The following SLC60A1 variants were observed in gnomAD, a reference collection of about 807,000 sequenced individuals.
SLC60A1 encodes major facilitator superfamily domain containing 4.
the SLC60A1 span, chr1:205,584,026 G>A: frequency 6.2e-7 from 1 of 1,614,018 alleles, no homozygotes; most frequent in Middle Eastern, 1.6e-4. Context: ...CCCAGAGGAG[G>A]CCCCTGCTTC....
chr1:205,582,381 C>T, the SLC60A1 span, among the ~76,000 whole-genome samples: 2 of 152,252 alleles, frequency 1.3e-5, no homozygotes, highest in Non-Finnish European at 2.9e-5. Context: ...GGAAGATGGG[C>T]TGTGCATGTA....
chr1:205,600,439 ACT>A, the SLC60A1 span: 1 of 1,614,116 alleles, frequency 6.2e-7, no homozygotes. Flanking sequence ...GGAATGGAAA[ACT>A]CTGAGTGCTA....
At chr1:205,569,285 C>A in the SLC60A1 span, 7 of 1,540,160 alleles carry the variant, frequency 4.5e-6, no homozygotes, top group African/African-American at 8.5e-5. Context: ...CCCTCGGGGG[C>A]GTCTTCAAAA....
the SLC60A1 span, among the ~76,000 whole-genome samples, chr1:205,590,889 C>G: frequency 6.6e-6 from 1 of 152,006 alleles, no homozygotes; most frequent in Non-Finnish European, 1.5e-5. Context: ...TTTACAGAGC[C>G]CCTTCATCTG....
the SLC60A1 span, among the ~76,000 whole-genome samples, chr1:205,593,416 A>AGCCGAAATCCCGACACT: frequency 1.3e-5 from 1 of 74,724 alleles, no homozygotes; most frequent in African/African-American, 5.4e-5. Context: ...GCTTGCAGTG[A>AGCCGAAATCCCGACACT]GCACTCCAGC....
the SLC60A1 span, among the ~76,000 whole-genome samples, chr1:205,592,646 C>A: frequency 6.6e-6 from 1 of 152,082 alleles, no homozygotes; most frequent in Non-Finnish European, 1.5e-5. Context: ...TGAACACCCC[C>A]CTCCTGACTT....
chr1:205,593,623 A>G, the SLC60A1 span, among the ~76,000 whole-genome samples: 1 of 152,146 alleles, frequency 6.6e-6, no homozygotes, highest in Non-Finnish European at 1.5e-5. Flanking sequence ...CATCACCATC[A>G]GTCGTTAGGA....
chr1:205,583,167 G>A, the SLC60A1 span, among the ~76,000 whole-genome samples: 4 of 152,336 alleles, frequency 2.6e-5, no homozygotes, highest in East Asian at 5.8e-4. Context: ...GGCCCCTGAG[G>A]GAGGTGGTGG....
chr1:205,575,467 C>A, the SLC60A1 span, among the ~76,000 whole-genome samples: 6 of 152,128 alleles, frequency 3.9e-5, no homozygotes, highest in Non-Finnish European at 8.8e-5. Context: ...GAATGGGCTG[C>A]CTGGCATCTT....
the SLC60A1 span, chr1:205,580,576 T>C: frequency 3.3e-6 from 5 of 1,521,266 alleles, no homozygotes; most frequent in Non-Finnish European, 4.5e-6. This position sits in a 1 kb window ranked among gnomAD's most constrained non-coding sequence, Gnocchi z 5.0. Flanking sequence ...TCAGTGTGGG[T>C]CCTCTGGACC....
At chr1:205,580,936 G>C in the SLC60A1 span, 1 of 1,610,606 alleles carries the variant, frequency 6.2e-7, no homozygotes, top group Non-Finnish European at 8.5e-7. This position sits in a 1 kb window ranked among gnomAD's most constrained non-coding sequence, Gnocchi z 5.0. Context: ...GTGTCCCTGG[G>C]GTGGGCCAGG....
chr1:205,580,651 C>T, the SLC60A1 span: 1 of 1,608,680 alleles, frequency 6.2e-7, no homozygotes, highest in East Asian at 2.2e-5. This position sits in a 1 kb window ranked among gnomAD's most constrained non-coding sequence, Gnocchi z 5.0. Context: ...CACCTCTCCT[C>T]TGTCCCCAGG....
chr1:205,600,083 C>G, the SLC60A1 span: 2,246 of 247,076 alleles, frequency 9.1e-3, 22 homozygotes, highest in Admixed American at 0.013. Flanking sequence ...ACTTCTGAGA[C>G]AGCAGTACTG....
chr1:205,589,828 T>C, the SLC60A1 span, among the ~76,000 whole-genome samples: 23 of 152,186 alleles, frequency 1.5e-4, no homozygotes, highest in African/African-American at 4.6e-4. Flanking sequence ...ACAGACTGTC[T>C]GTTATTGTAG....
At chr1:205,585,869 T>C in the SLC60A1 span, among the ~76,000 whole-genome samples, 4 of 152,126 alleles carry the variant, frequency 2.6e-5, no homozygotes, top group African/African-American at 9.7e-5. This position sits in a 1 kb window ranked among gnomAD's most constrained non-coding sequence, Gnocchi z 4.2. Flanking sequence ...GCCAAGTGTG[T>C]AGTGTGGCCT....
chr1:205,584,820 C>A, the SLC60A1 span: 1 of 1,521,358 alleles, frequency 6.6e-7, no homozygotes. Context: ...CTGGGACATG[C>A]AGAGGGAGGG....
chr1:205,596,597 A>G, the SLC60A1 span, among the ~76,000 whole-genome samples: 1 of 143,548 alleles, frequency 7.0e-6, no homozygotes, highest in Non-Finnish European at 1.5e-5. Context: ...ATAGTTTACC[A>G]GAAAAGAGGA....
At chr1:205,598,080 C>T in the SLC60A1 span, 68 of 478,490 alleles carry the variant, frequency 1.4e-4, no homozygotes, top group African/African-American at 1.3e-3. Flanking sequence ...TGGAAAAGTC[C>T]AAAGCAAACA....
the SLC60A1 span, among the ~76,000 whole-genome samples, chr1:205,578,103 G>T: frequency 4.6e-5 from 7 of 152,338 alleles, no homozygotes; most frequent in South Asian, 1.5e-3. Context: ...AGACAATAAT[G>T]ATAATGAGCT....
Sources: allele counts gnomAD v4.1 joint callset (sites outside exome capture counted in the v4.1 genomes callset), GRCh38; gene constraint gnomAD v4.1.1; non-coding constraint Gnocchi (gnomAD v3.1); transcripts MANE v1.5; gene names NCBI Gene and HGNC (gene_info 2026-07-23, HGNC 2026-07-21).